YWHAQ: variants seen among roughly 807,000 people sequenced by gnomAD.
YWHAQ encodes 14-3-3 protein theta.
In YWHAQ, 6 loss-of-function variants were observed where a neutral mutation model predicts 28.3. The observed-to-expected ratio is 0.21, with a 90% CI of 0.12 to 0.42. YWHAQ has a LOEUF of 0.42. Among genes scored for constraint, YWHAQ ranks in the 10% least tolerant of loss-of-function variants. YWHAQ has a pLI of 1.00. For missense variants in YWHAQ, 201 were observed against 305.6 expected, an observed-to-expected ratio of 0.66 and a Z score of 2.55; for synonymous variants, 143 against 119.1, an observed-to-expected ratio of 1.20 and a Z score of -1.31.
At chr2:9,625,449 T>A (rs916119854) in intron 2 of YWHAQ, among the ~76,000 whole-genome samples, 5 of 152,222 alleles carry the variant, frequency 3.3e-5, no homozygotes, top group Non-Finnish European at 7.3e-5. Flanking sequence ...GAAGCATTAA[T>A]GTCTTATATT....
intron 2 of YWHAQ, among the ~76,000 whole-genome samples, chr2:9,596,270 G>A (rs943931793): frequency 7.0e-6 from 1 of 142,574 alleles, no homozygotes; most frequent in Non-Finnish European, 1.5e-5. Flanking sequence ...ACCCCCATAC[G>A]ATCTTCAAGA....
At chr2:9,616,321 G>A (rs528007888) in intron 2 of YWHAQ, among the ~76,000 whole-genome samples, 2 of 152,002 alleles carry the variant, frequency 1.3e-5, no homozygotes, top group South Asian at 4.2e-4. Flanking sequence ...AACTCAAAAT[G>A]GACTAAAGAC....
chr2:9,588,377 G>T (rs758884857), intron 3 of YWHAQ, 49 bp from the exon 4 acceptor site: 2 of 1,577,142 alleles, frequency 1.3e-6, no homozygotes, highest in Admixed American at 2.0e-5. Context: ...TAACCATCCA[G>T]TACACAGTAC....
chr2:9,585,506 C>T (rs368784209), intron 5 of YWHAQ, among the ~76,000 whole-genome samples, 161 bp from the exon 6 acceptor site: 6 of 152,208 alleles, frequency 3.9e-5, no homozygotes, highest in Middle Eastern at 3.2e-3. Context: ...AAGACCATCA[C>T]CTTCCCAAAG....
At chr2:9,591,891 C>A (rs1221214521) in intron 2 of YWHAQ, among the ~76,000 whole-genome samples, 1 of 152,156 alleles carries the variant, frequency 6.6e-6, no homozygotes, top group Admixed American at 6.5e-5. Context: ...AGAAGCTCAC[C>A]GTCTGTAAGT....
chr2:9,589,998 A>T, intron 3 of YWHAQ, among the ~76,000 whole-genome samples: 1 of 152,210 alleles, frequency 6.6e-6, no homozygotes, highest in East Asian at 1.9e-4. Flanking sequence ...TTATTGATCT[A>T]ATCCCTGACT....
At chr2:9,607,711 CT>C (rs34963513) in intron 2 of YWHAQ, among the ~76,000 whole-genome samples, 1,416 of 128,614 alleles carry the variant, frequency 0.011, 6 homozygotes, top group African/African-American at 0.017. Flanking sequence ...AATTCTTCCT[CT>C]TTTTTTTTTT....
chr2:9,613,324 C>T (rs929148433), intron 2 of YWHAQ, among the ~76,000 whole-genome samples: 1 of 152,084 alleles, frequency 6.6e-6, no homozygotes, highest in Non-Finnish European at 1.5e-5. Context: ...AGGCATAAAA[C>T]CCAACATTAA....
chr2:9,629,275 C>T (rs773566592), intron 2 of YWHAQ, among the ~76,000 whole-genome samples: 1 of 152,148 alleles, frequency 6.6e-6, no homozygotes, highest in Non-Finnish European at 1.5e-5. Flanking sequence ...CTCTTGGCAG[C>T]ACTGAAACAT....
At chr2:9,593,203 T>C (rs904368955) in intron 2 of YWHAQ, among the ~76,000 whole-genome samples, 6 of 151,052 alleles carry the variant, frequency 4.0e-5, no homozygotes, top group Non-Finnish European at 7.4e-5. Context: ...TGACTAAAAG[T>C]GGTCTAACAA....
At chr2:9,601,619 C>T (rs190412706) in intron 2 of YWHAQ, among the ~76,000 whole-genome samples, 26 of 152,246 alleles carry the variant, frequency 1.7e-4, no homozygotes, top group Admixed American at 1.3e-3. Context: ...ACACGTGATG[C>T]CATCCATAAC....
intron 2 of YWHAQ, among the ~76,000 whole-genome samples, chr2:9,617,980 A>G (rs1490267608): frequency 6.6e-6 from 1 of 152,128 alleles, no homozygotes; most frequent in Non-Finnish European, 1.5e-5. Context: ...CCTTGAGGGC[A>G]TTAGGCTAAG....
chr2:9,600,873 T>C (rs1171569681), intron 2 of YWHAQ, among the ~76,000 whole-genome samples: 1 of 152,180 alleles, frequency 6.6e-6, no homozygotes, highest in African/African-American at 2.4e-5. Flanking sequence ...AGATAAGGAC[T>C]TCTAAAGGCT....
chr2:9,590,706 A>G (rs184987104), intron 3 of YWHAQ, among the ~76,000 whole-genome samples: 2 of 152,204 alleles, frequency 1.3e-5, no homozygotes, highest in Admixed American at 6.5e-5. Context: ...CATGTTTTCT[A>G]TGATAGTCTA....
In YWHAQ at chr2:9,592,111, AC is replaced by A. The variant is rs1158932321; in HGVS notation, c.295-597del. 2.0e-5 allele frequency among the ~76,000 whole-genome samples: 3 copies of A among 152,344 alleles called. No individual in the cohort carries two copies. In the East Asian group the frequency reaches 5.8e-4, roughly 29 times the overall value. ...AGGGACGGGAAACAAAATGTTTAAA[AC>A]ATCAAGTACGAGGGAGAATAGTGCT... On this transcript the variant is annotated intron_variant, in intron 2 of 5. Transcript: ENST00000238081.
At chr2:9,613,894 G>A (rs1474914698) in intron 2 of YWHAQ, among the ~76,000 whole-genome samples, 1 of 152,230 alleles carries the variant, frequency 6.6e-6, no homozygotes, top group African/African-American at 2.4e-5. Context: ...CTGCAGTGGT[G>A]AAGATACCTA....
intron 2 of YWHAQ, among the ~76,000 whole-genome samples, chr2:9,622,536 C>T (rs998699002): frequency 2.6e-5 from 4 of 152,122 alleles, no homozygotes; most frequent in African/African-American, 7.2e-5. Flanking sequence ...TGTACCTATG[C>T]GCCTTGGCCC....
chr2:9,617,988 A>T (rs1360289394), intron 2 of YWHAQ, among the ~76,000 whole-genome samples: 2 of 152,122 alleles, frequency 1.3e-5, no homozygotes, highest in Non-Finnish European at 2.9e-5. Flanking sequence ...GCATTAGGCT[A>T]AGTGAAAGAA....
chr2:9,601,409 T>C (rs577447244), intron 2 of YWHAQ, among the ~76,000 whole-genome samples: 1 of 152,204 alleles, frequency 6.6e-6, no homozygotes, highest in East Asian at 1.9e-4. Context: ...CAGTGAGCAG[T>C]GAGCCAGAAT....
Sources: gnomAD v4.1 joint callset for allele counts (sites outside exome capture counted in the v4.1 genomes callset) on GRCh38, gnomAD v4.1.1 for gene constraint, MANE v1.5 for transcripts, NCBI Gene and HGNC (gene_info 2026-07-23, HGNC 2026-07-21) for gene names.